Variants in NRXN1 observed in about 807,000 individuals in gnomAD.
NRXN1 encodes the protein neurexin-1.
NRXN1 carries 39 observed loss-of-function variants against 150.9 expected under a neutral mutation model. The observed-to-expected ratio is 0.26, with a 90% CI of 0.20 to 0.34. The LOEUF is 0.34. Ranked by LOEUF, NRXN1 falls within the 10% of genes least tolerant of loss-of-function variation. NRXN1 has a pLI of 1.00. For missense variants in NRXN1, 1,815 were observed against 1,949.9 expected, an observed-to-expected ratio of 0.93 and a Z score of 1.30; for synonymous variants, 924 against 757.0, an observed-to-expected ratio of 1.22 and a Z score of -3.62.
At chr2:50,058,573 T>TA (rs1693999882) in intron 19 of NRXN1, among the ~76,000 whole-genome samples, 1 of 152,218 alleles carries the variant, frequency 6.6e-6, no homozygotes, top group Admixed American at 6.5e-5. Context: ...CCTATTAGAA[T>TA]AAAAAACTAA....
At chr2:50,693,424 T>G (rs1177420243) in intron 5 of NRXN1, among the ~76,000 whole-genome samples, 1 of 152,130 alleles carries the variant, frequency 6.6e-6, no homozygotes, top group Non-Finnish European at 1.5e-5. Context: ...TTGGAGGTGT[T>G]TTTTTAGAAT....
chr2:50,258,625 A>C (rs1332361053), intron 17 of NRXN1, among the ~76,000 whole-genome samples: 3 of 152,030 alleles, frequency 2.0e-5, no homozygotes, highest in Non-Finnish European at 4.4e-5. Flanking sequence ...GTCTTCCCTG[A>C]GTCACAGATG....
chr2:50,717,295 G>C (rs916316912), intron 5 of NRXN1, among the ~76,000 whole-genome samples: 8 of 149,396 alleles, frequency 5.4e-5, no homozygotes, highest in African/African-American at 2.1e-4. Context: ...GGAGGACTCA[G>C]AGGAAAGTCT....
chr2:50,964,884 G>A (rs894562606), intron 2 of NRXN1, among the ~76,000 whole-genome samples: 5 of 151,338 alleles, frequency 3.3e-5, no homozygotes, highest in Admixed American at 2.0e-4. Context: ...TTTAAATCAG[G>A]GGAGTGAAAT....
intron 21 of NRXN1, among the ~76,000 whole-genome samples, chr2:49,960,571 A>T (rs1675749759): frequency 6.6e-6 from 1 of 152,292 alleles, no homozygotes; most frequent in African/African-American, 2.4e-5. Context: ...TAATTATTTA[A>T]AGATGTTGCA....
intron 5 of NRXN1, among the ~76,000 whole-genome samples, chr2:50,891,435 T>G (rs1376371568): frequency 3.9e-5 from 6 of 152,086 alleles, no homozygotes; most frequent in African/African-American, 1.4e-4. Flanking sequence ...TAAATGGAAT[T>G]GTTCTGTTTA....
chr2:50,861,667 G>A (rs377482609), intron 5 of NRXN1, among the ~76,000 whole-genome samples: 1 of 152,010 alleles, frequency 6.6e-6, no homozygotes, highest in Non-Finnish European at 1.5e-5. Flanking sequence ...ATGAAAACAA[G>A]CCATTACAAA....
At chr2:50,142,040 C>T (rs1366268522) in intron 18 of NRXN1, among the ~76,000 whole-genome samples, 1 of 151,968 alleles carries the variant, frequency 6.6e-6, no homozygotes, top group African/African-American at 2.4e-5. Flanking sequence ...ATAGCAAAGA[C>T]ATGGAATCAA....
intron 18 of NRXN1, among the ~76,000 whole-genome samples, chr2:50,203,981 A>T (rs1298997847): frequency 2.6e-5 from 4 of 152,282 alleles, no homozygotes; most frequent in Middle Eastern, 6.8e-3. Flanking sequence ...AATACTGTGT[A>T]AATATTTCAC....
At chr2:49,964,638 G>A (rs1364490369) in intron 21 of NRXN1, among the ~76,000 whole-genome samples, 2 of 151,884 alleles carry the variant, frequency 1.3e-5, no homozygotes, top group African/African-American at 2.4e-5. Context: ...TCAGGAGTTC[G>A]AGACCAGCCT....
chr2:50,070,491 C>T (rs185783623), intron 19 of NRXN1, among the ~76,000 whole-genome samples: 1 of 152,184 alleles, frequency 6.6e-6, no homozygotes, highest in Admixed American at 6.5e-5. Context: ...TGTAAGTGGG[C>T]CAGACACGGT....
chr2:50,451,074 C>G (rs908300353), intron 17 of NRXN1, among the ~76,000 whole-genome samples: 2 of 152,154 alleles, frequency 1.3e-5, no homozygotes, highest in South Asian at 2.1e-4. Flanking sequence ...TCAAGGGATC[C>G]TTCTACTTCA....
At chr2:50,691,929 C>T (rs1282527271) in intron 5 of NRXN1, among the ~76,000 whole-genome samples, 3 of 152,130 alleles carry the variant, frequency 2.0e-5, no homozygotes, top group Admixed American at 6.5e-5. Flanking sequence ...TTAGCTTATA[C>T]GTATATACAT....
At chr2:50,780,138 A>G (rs754237461) in intron 5 of NRXN1, among the ~76,000 whole-genome samples, 4 of 152,054 alleles carry the variant, frequency 2.6e-5, no homozygotes, top group East Asian at 1.9e-4. Context: ...GCTTTTTTTC[A>G]TATGTTTGTT....
rs567810007 is a variant in NRXN1 at position 50,973,407 on chromosome 2, A to T, written c.773-47452T>A. 3.3e-3 allele frequency among the ~76,000 whole-genome samples: 509 copies of T among 152,242 alleles called. 3 individuals are homozygous for T. The highest frequency in any genetic ancestry group is 0.011 in the African/African-American group (469 of 41,560). ...GATTTTCTAATTACGGTATCTATATATGGTTCTCATTTGTCTTAAAGATAT... is the reference window on the plus strand; with the variant it reads ...GATTTTCTAATTACGGTATCTATATTTGGTTCTCATTTGTCTTAAAGATAT... On this transcript the variant is annotated intron_variant, in intron 2 of 22. Transcript: ENST00000401669.
At chr2:50,759,293 T>C (rs1277912726) in intron 5 of NRXN1, among the ~76,000 whole-genome samples, 1 of 151,852 alleles carries the variant, frequency 6.6e-6, no homozygotes, top group Non-Finnish European at 1.5e-5. Flanking sequence ...AAAATCCCAT[T>C]GAAAACTCAG....
intron 5 of NRXN1, among the ~76,000 whole-genome samples, chr2:50,649,259 T>TACACACACACACACACACAC (rs10634117): frequency 1.4e-5 from 2 of 143,228 alleles, no homozygotes; most frequent in Admixed American, 7.1e-5. Flanking sequence ...CATACACACA[T>TACACACACACACACACACAC]ACACACACAC....
intron 17 of NRXN1, among the ~76,000 whole-genome samples, chr2:50,365,500 A>T (rs1001642728): frequency 6.6e-6 from 1 of 152,086 alleles, no homozygotes; most frequent in African/African-American, 2.4e-5. Context: ...GAAAGTTACA[A>T]ATTTTCTATA....
At chr2:50,091,227 G>GA in intron 19 of NRXN1, 96 bp downstream of exon 19, 1 of 1,431,728 alleles carries the variant, frequency 7.0e-7, no homozygotes, top group South Asian at 1.1e-5. Flanking sequence ...TGGTTTCTCA[G>GA]AAAACCACAA....
Sources: allele counts gnomAD v4.1 joint callset (sites outside exome capture counted in the v4.1 genomes callset), GRCh38; gene constraint gnomAD v4.1.1; transcripts MANE v1.5; gene names NCBI Gene and HGNC (gene_info 2026-07-23, HGNC 2026-07-21).